Variants in ATP8B4 observed in about 807,000 individuals in gnomAD.
ATP8B4 encodes ATPase phospholipid transporting 8B4 (putative).
Under a neutral mutation model 145.6 loss-of-function variants are expected in ATP8B4, and 133 were observed. The observed-to-expected ratio is 0.91, with a 90% CI of 0.79 to 1.05. ATP8B4 has a LOEUF of 1.05. Among genes scored for constraint, ATP8B4 ranks in the 50% least tolerant of loss-of-function variants. The probability of loss-of-function intolerance (pLI) is 0.00; values close to 1 mark genes in which losing one functional copy is unlikely to be tolerated. For synonymous variants in ATP8B4, 507 were observed against 492.9 expected, an observed-to-expected ratio of 1.03 and a Z score of -0.38; for missense variants, 1,458 against 1,425.2, an observed-to-expected ratio of 1.02 and a Z score of -0.37.
chr15:49,898,531 G>C (rs2037670612), intron 21 of ATP8B4, among the ~76,000 whole-genome samples: 1 of 151,376 alleles, frequency 6.6e-6, no homozygotes, highest in South Asian at 2.1e-4. Flanking sequence ...TGCTGCACTG[G>C]AGAGAGAGAG....
intron 7 of ATP8B4, among the ~76,000 whole-genome samples, chr15:50,003,274 A>ATATGTG (rs754252142): frequency 3.5e-5 from 5 of 141,194 alleles, no homozygotes; most frequent in African/African-American, 1.3e-4. Flanking sequence ...TAGGGTGTGC[A>ATATGTG]TGTGTGTGTG....
chr15:50,047,856 T>C (rs1227292435), intron 3 of ATP8B4, among the ~76,000 whole-genome samples: 1 of 152,100 alleles, frequency 6.6e-6, no homozygotes, highest in African/African-American at 2.4e-5. Context: ...CATGACCCTT[T>C]TAGATACCTC....
chr15:49,901,639 T>A (rs1329783270), intron 20 of ATP8B4: 1 of 285,542 alleles, frequency 3.5e-6, no homozygotes, highest in Non-Finnish European at 6.8e-6. Context: ...AGACAATTGA[T>A]GAAATCTTCT....
upstream of ATP8B4, among the ~76,000 whole-genome samples, chr15:50,121,017 C>T (rs1383648534): frequency 6.6e-6 from 1 of 152,100 alleles, no homozygotes; most frequent in Non-Finnish European, 1.5e-5. Context: ...AAGAGATAGG[C>T]CTCTTCAGAC....
chr15:49,907,146 C>A (rs2038711399), intron 20 of ATP8B4, among the ~76,000 whole-genome samples: 1 of 152,154 alleles, frequency 6.6e-6, no homozygotes. Context: ...GTGGGAAGTG[C>A]TGGATGCCAG....
intron 10 of ATP8B4, among the ~76,000 whole-genome samples, chr15:49,981,503 A>C (rs2153535048): frequency 6.6e-6 from 1 of 152,324 alleles, no homozygotes; most frequent in African/African-American, 2.4e-5. Flanking sequence ...TGATCTTCTT[A>C]GACTAGGATA....
chr15:50,120,188 A>G (rs2057253127), upstream of ATP8B4, among the ~76,000 whole-genome samples: 1 of 152,090 alleles, frequency 6.6e-6, no homozygotes, highest in Admixed American at 6.6e-5. Context: ...GCGCACCATC[A>G]ACTCCACTCT....
intron 5 of ATP8B4, among the ~76,000 whole-genome samples, chr15:50,042,808 A>G (rs2051404413): frequency 6.6e-6 from 1 of 152,206 alleles, no homozygotes; most frequent in Non-Finnish European, 1.5e-5. Context: ...ATGAAAAAGT[A>G]TGTCTGTTAA....
intron 3 of ATP8B4, among the ~76,000 whole-genome samples, chr15:50,056,704 T>TAC (rs1192036568): frequency 7.3e-6 from 1 of 137,296 alleles, no homozygotes. Flanking sequence ...TATATGTGTA[T>TAC]ATATATATAT....
chr15:50,053,862 A>C (rs922744882), intron 3 of ATP8B4, among the ~76,000 whole-genome samples: 16 of 152,226 alleles, frequency 1.1e-4, no homozygotes, highest in Admixed American at 8.5e-4. Flanking sequence ...CAAATTAAGT[A>C]TATTGCTTAA....
chr15:50,104,977 A>T (rs535871291), intron 2 of ATP8B4, among the ~76,000 whole-genome samples: 15 of 152,248 alleles, frequency 9.9e-5, no homozygotes, highest in Non-Finnish European at 1.5e-4. Context: ...GGAGACCATT[A>T]TTCTAAGTGA....
At chr15:49,897,707 A>C (rs2153428905) in intron 22 of ATP8B4, among the ~76,000 whole-genome samples, 192 bp from the exon 23 acceptor site, 1 of 152,356 alleles carries the variant, frequency 6.6e-6, no homozygotes, top group Admixed American at 6.5e-5. Flanking sequence ...GCCTCAGAAA[A>C]GTTCAGTGAC....
At chr15:49,987,594 A>T in intron 9 of ATP8B4, 45 bp from the exon 10 acceptor site, 1 of 1,576,478 alleles carries the variant, frequency 6.3e-7, no homozygotes, top group Non-Finnish European at 8.6e-7. Flanking sequence ...GACTCACCCA[A>T]AATTCTCTTC....
intron 23 of ATP8B4, chr15:49,886,068 C>G (rs964577352): frequency 1.3e-5 from 2 of 152,138 alleles, no homozygotes; most frequent in East Asian, 3.8e-4. Context: ...TGCTTCTTAA[C>G]TACTGACTTA....
intron 14 of ATP8B4, among the ~76,000 whole-genome samples, chr15:49,943,761 T>C (rs540928295): frequency 6.6e-6 from 1 of 152,172 alleles, no homozygotes; most frequent in South Asian, 2.1e-4. Context: ...AACAGCAACA[T>C]GATAGCGTGA....
chr15:50,117,013 T>A (rs2057175916), intron 1 of ATP8B4, among the ~76,000 whole-genome samples: 3 of 152,220 alleles, frequency 2.0e-5, no homozygotes, highest in African/African-American at 7.2e-5. Context: ...ATACAAGAAT[T>A]TAGATTACAC....
At chr15:50,148,955 C>T (rs2044312423) in intron 1 of ATP8B4, among the ~76,000 whole-genome samples, 1 of 152,180 alleles carries the variant, frequency 6.6e-6, no homozygotes. Flanking sequence ...GGTTCAACAT[C>T]ATTTCATCCA....
chr15:50,034,986 G>A (rs540729822), intron 6 of ATP8B4, among the ~76,000 whole-genome samples: 4 of 152,162 alleles, frequency 2.6e-5, no homozygotes, highest in East Asian at 1.9e-4. Flanking sequence ...TCACATTAAC[G>A]TCTACAAGAA....
chr15:50,009,892 C>T (rs896783828), intron 7 of ATP8B4, among the ~76,000 whole-genome samples: 7 of 152,174 alleles, frequency 4.6e-5, no homozygotes, highest in Non-Finnish European at 8.8e-5. Flanking sequence ...CACTTCTCTA[C>T]TGAAAGTGTG....
Sources: allele counts gnomAD v4.1 joint callset (sites outside exome capture counted in the v4.1 genomes callset), GRCh38; gene constraint gnomAD v4.1.1; transcripts MANE v1.5; gene names NCBI Gene and HGNC (gene_info 2026-07-23, HGNC 2026-07-21).